PPARGC1A: variants seen among roughly 807,000 people sequenced by gnomAD.
The protein encoded by PPARGC1A is PPARG coactivator 1 alpha.
Under a neutral mutation model 88.7 loss-of-function variants are expected in PPARGC1A, and 25 were observed. The ratio of observed to expected loss-of-function variants is 0.28; its 90% CI spans 0.21 to 0.39. PPARGC1A has a LOEUF of 0.39. PPARGC1A is among the 10% of genes least tolerant of loss of function. The pLI is 1.00. For missense variants in PPARGC1A, 880 were observed against 968.7 expected, an observed-to-expected ratio of 0.91 and a Z score of 1.22; for synonymous variants, 363 against 355.6, an observed-to-expected ratio of 1.02 and a Z score of -0.24.
At chr4:24,300,576 G>T in the PPARGC1A span, among the ~76,000 whole-genome samples, 28 of 151,812 alleles carry the variant, frequency 1.8e-4, no homozygotes, top group South Asian at 6.2e-4. Context: ...TAATTAAATT[G>T]TAATTAAATT....
chr4:24,120,844 G>T, the PPARGC1A span, among the ~76,000 whole-genome samples: 1 of 152,082 alleles, frequency 6.6e-6, no homozygotes, highest in Non-Finnish European at 1.5e-5. Flanking sequence ...CCTTAATCTT[G>T]GACTTCCCAG....
chr4:24,163,666 A>C, the PPARGC1A span, among the ~76,000 whole-genome samples: 1 of 152,242 alleles, frequency 6.6e-6, no homozygotes, highest in Non-Finnish European at 1.5e-5. Flanking sequence ...ACGCTATAGC[A>C]ATACTGATAT....
At chr4:23,981,844 A>G in the PPARGC1A span, among the ~76,000 whole-genome samples, 3 of 152,120 alleles carry the variant, frequency 2.0e-5, no homozygotes, top group Admixed American at 2.0e-4. Flanking sequence ...TGAGGTCACA[A>G]GGAATAGGGA....
At chr4:23,865,120 G>T (rs1307964437) in intron 2 of PPARGC1A, among the ~76,000 whole-genome samples, 1 of 152,162 alleles carries the variant, frequency 6.6e-6, no homozygotes, top group African/African-American at 2.4e-5. Flanking sequence ...GGGAGGTGGA[G>T]GTTGTAGTGA....
chr4:24,453,705 G>A, the PPARGC1A span, among the ~76,000 whole-genome samples: 1 of 152,034 alleles, frequency 6.6e-6, no homozygotes, highest in African/African-American at 2.4e-5. Context: ...ACTTCTACCT[G>A]GGAGGTGAAG....
intron 3 of PPARGC1A, 38 bp from the exon 4 acceptor site, chr4:23,829,623 G>A (rs531530270): frequency 6.3e-7 from 1 of 1,587,244 alleles, no homozygotes; most frequent in African/African-American, 1.3e-5. Context: ...AGCAAGTAAA[G>A]TTATGCATCT....
chr4:24,178,776 C>T, the PPARGC1A span, among the ~76,000 whole-genome samples: 1 of 152,166 alleles, frequency 6.6e-6, no homozygotes, highest in Non-Finnish European at 1.5e-5. Flanking sequence ...GATAATGAAG[C>T]ACTCAACAAA....
chr4:23,928,790 A>G, the PPARGC1A span, among the ~76,000 whole-genome samples: 4 of 152,004 alleles, frequency 2.6e-5, no homozygotes, highest in Non-Finnish European at 4.4e-5. Flanking sequence ...CAACAAAAAA[A>G]AAAACCCAAG....
At chr4:23,890,215 T>A, upstream of PPARGC1A, 5 of 298,946 alleles carry the variant, frequency 1.7e-5, no homozygotes, top group East Asian at 5.3e-5. Flanking sequence ...GAAGTAACGC[T>A]TTAAAAAAAA....
chr4:24,014,819 A>T, the PPARGC1A span, among the ~76,000 whole-genome samples: 2 of 152,184 alleles, frequency 1.3e-5, no homozygotes, highest in Non-Finnish European at 2.9e-5. Flanking sequence ...ATTAACTCAA[A>T]ATCAACTGAT....
At chr4:23,860,192 A>G (rs1243051931) in intron 2 of PPARGC1A, among the ~76,000 whole-genome samples, 2 of 151,890 alleles carry the variant, frequency 1.3e-5, no homozygotes, top group Non-Finnish European at 2.9e-5. Flanking sequence ...GGACTGCTTG[A>G]GCCCAGGAGT....
At chr4:24,267,799 C>T in the PPARGC1A span, among the ~76,000 whole-genome samples, 4 of 152,122 alleles carry the variant, frequency 2.6e-5, no homozygotes, top group Admixed American at 6.5e-5. Context: ...TACTATGCAC[C>T]ATTTTATTAG....
intron 2 of PPARGC1A, among the ~76,000 whole-genome samples, chr4:23,842,376 T>C (rs757657642): frequency 4.8e-4 from 73 of 152,248 alleles, no homozygotes; most frequent in Non-Finnish European, 8.2e-4. Context: ...ACTCAAAGCC[T>C]ACCTTAAGCA....
chr4:24,006,960 G>GT, the PPARGC1A span, among the ~76,000 whole-genome samples: 14 of 152,180 alleles, frequency 9.2e-5, no homozygotes, highest in Admixed American at 9.2e-4. Flanking sequence ...ATTCTAATGT[G>GT]TATCAATTGT....
chr4:24,260,598 A>C, the PPARGC1A span, among the ~76,000 whole-genome samples: 9 of 152,294 alleles, frequency 5.9e-5, no homozygotes, highest in Middle Eastern at 3.4e-3. Flanking sequence ...AGTCCCTGAC[A>C]TAAGTTATGG....
chr4:24,374,916 G>A, the PPARGC1A span, among the ~76,000 whole-genome samples: 5 of 151,286 alleles, frequency 3.3e-5, no homozygotes, highest in Non-Finnish European at 2.9e-5. Flanking sequence ...AAATGAAAAC[G>A]TGTCCACATG....
chr4:24,316,219 T>C, the PPARGC1A span, among the ~76,000 whole-genome samples: 1 of 152,230 alleles, frequency 6.6e-6, no homozygotes, highest in African/African-American at 2.4e-5. Context: ...CAAGACCATA[T>C]GTGTCTGCCA....
the PPARGC1A span, among the ~76,000 whole-genome samples, chr4:24,128,438 T>C: frequency 6.6e-6 from 1 of 152,090 alleles, no homozygotes; most frequent in African/African-American, 2.4e-5. Flanking sequence ...GAGTGACTCA[T>C]GCTTCCAATC....
chr4:24,247,624 C>T, the PPARGC1A span, among the ~76,000 whole-genome samples: 2 of 152,156 alleles, frequency 1.3e-5, no homozygotes, highest in Admixed American at 6.5e-5. Context: ...ACACATATTG[C>T]CAATTCCAAA....
Sources: gnomAD v4.1 joint callset for allele counts (sites outside exome capture counted in the v4.1 genomes callset) on GRCh38, gnomAD v4.1.1 for gene constraint, MANE v1.5 for transcripts, NCBI Gene and HGNC (gene_info 2026-07-23, HGNC 2026-07-21) for gene names.